CSNK2A2IP: variants seen among roughly 807,000 people sequenced by gnomAD.
The protein encoded by CSNK2A2IP is casein kinase II subunit alpha'-interacting protein.
chr3:88,343,326 A>G, the CSNK2A2IP span: 66,575 of 151,914 alleles, frequency 0.44, 15,843 homozygotes, highest in South Asian at 0.62. Flanking sequence ...ATAATAATTA[A>G]ACACTATGTC....
chr3:88,400,349 G>A, the CSNK2A2IP span, among the ~76,000 whole-genome samples: 1 of 152,112 alleles, frequency 6.6e-6, no homozygotes, highest in African/African-American at 2.4e-5. Flanking sequence ...ATAATCTAAT[G>A]CTGCGGGAAA....
chr3:88,465,447 T>C, the CSNK2A2IP span: 1 of 1,231,638 alleles, frequency 8.1e-7, no homozygotes, highest in Non-Finnish European at 1.0e-6. Context: ...CACATCAACA[T>C]ACAGGTGAAA....
At chr3:88,415,752 G>T in the CSNK2A2IP span, among the ~76,000 whole-genome samples, 3 of 151,930 alleles carry the variant, frequency 2.0e-5, no homozygotes, top group African/African-American at 7.3e-5. Context: ...GAACCACAGT[G>T]GTGCACAGAG....
At chr3:88,446,025 G>C in the CSNK2A2IP span, among the ~76,000 whole-genome samples, 7 of 29,342 alleles carry the variant, frequency 2.4e-4, no homozygotes, top group East Asian at 1.4e-3. Flanking sequence ...TTCTTTCTTT[G>C]TTTCTTTTCT....
chr3:88,365,070 T>A, the CSNK2A2IP span, among the ~76,000 whole-genome samples: 1 of 152,128 alleles, frequency 6.6e-6, no homozygotes, highest in Non-Finnish European at 1.5e-5. Flanking sequence ...AAGTGTCTGA[T>A]CCAGGATGTG....
At chr3:88,370,328 T>G in the CSNK2A2IP span, among the ~76,000 whole-genome samples, 1 of 151,898 alleles carries the variant, frequency 6.6e-6, no homozygotes, top group Non-Finnish European at 1.5e-5. Context: ...TTGAGATAAT[T>G]ATCCTTGAAT....
the CSNK2A2IP span, among the ~76,000 whole-genome samples, chr3:88,427,166 G>T: frequency 1.1e-4 from 17 of 151,970 alleles, no homozygotes; most frequent in Non-Finnish European, 2.9e-5. Flanking sequence ...CTCAGATGGA[G>T]ATGAAGAACT....
the CSNK2A2IP span, among the ~76,000 whole-genome samples, chr3:88,393,754 A>C: frequency 6.6e-6 from 1 of 152,234 alleles, no homozygotes; most frequent in Non-Finnish European, 1.5e-5. Flanking sequence ...GAGACGTAGA[A>C]TTTGAGATGT....
At chr3:88,429,863 C>G in the CSNK2A2IP span, among the ~76,000 whole-genome samples, 1 of 152,206 alleles carries the variant, frequency 6.6e-6, no homozygotes, top group Middle Eastern at 3.4e-3. Context: ...CGCCATTCTC[C>G]TGCCTCAGCC....
chr3:88,400,353 C>T, the CSNK2A2IP span, among the ~76,000 whole-genome samples: 18 of 152,062 alleles, frequency 1.2e-4, no homozygotes, highest in African/African-American at 2.7e-4. Flanking sequence ...TCTAATGCTG[C>T]GGGAAATTTT....
the CSNK2A2IP span, among the ~76,000 whole-genome samples, chr3:88,429,784 G>A: frequency 3.3e-5 from 5 of 152,172 alleles, no homozygotes; most frequent in East Asian, 7.8e-4. Flanking sequence ...ACGGAGTCTC[G>A]TTCTGTCGCC....
At chr3:88,416,619 T>C in the CSNK2A2IP span, among the ~76,000 whole-genome samples, 3 of 152,210 alleles carry the variant, frequency 2.0e-5, no homozygotes, top group Admixed American at 6.5e-5. Context: ...TGCTATACCA[T>C]ACCACGGAAT....
chr3:88,416,036 C>T, the CSNK2A2IP span, among the ~76,000 whole-genome samples: 7 of 151,664 alleles, frequency 4.6e-5, no homozygotes, highest in South Asian at 2.1e-4. Flanking sequence ...TTTGGGAGGC[C>T]GAGGCAGGAG....
the CSNK2A2IP span, among the ~76,000 whole-genome samples, chr3:88,451,023 G>C: frequency 6.6e-6 from 1 of 151,868 alleles, no homozygotes; most frequent in Non-Finnish European, 1.5e-5. Flanking sequence ...TCAATCTTTT[G>C]ACTTTTTGAT....
the CSNK2A2IP span, among the ~76,000 whole-genome samples, chr3:88,357,979 T>A: frequency 6.6e-6 from 1 of 152,090 alleles, no homozygotes; most frequent in South Asian, 2.1e-4. Context: ...TGCCCACCTC[T>A]GCCTCTCAAA....
the CSNK2A2IP span, among the ~76,000 whole-genome samples, chr3:88,403,926 G>A: frequency 6.6e-5 from 10 of 152,056 alleles, no homozygotes; most frequent in African/African-American, 2.4e-4. Flanking sequence ...TATGACACAA[G>A]GGCTGAGACA....
chr3:88,416,734 A>G, the CSNK2A2IP span, among the ~76,000 whole-genome samples: 1 of 152,188 alleles, frequency 6.6e-6, no homozygotes, highest in Non-Finnish European at 1.5e-5. Context: ...ATCCTACCCC[A>G]TTAATTTACT....
chr3:88,418,858 G>A, the CSNK2A2IP span, among the ~76,000 whole-genome samples: 3 of 152,140 alleles, frequency 2.0e-5, no homozygotes, highest in Admixed American at 2.0e-4. Flanking sequence ...AGCAGGAGGT[G>A]AGCCACAGGC....
chr3:88,348,672 T>A, the CSNK2A2IP span, among the ~76,000 whole-genome samples: 62,490 of 151,838 alleles, frequency 0.41, 14,786 homozygotes, highest in South Asian at 0.6. Context: ...TATTCTTTTG[T>A]GTAAACACTC....
Sources: allele counts gnomAD v4.1 joint callset (sites outside exome capture counted in the v4.1 genomes callset), GRCh38; gene constraint gnomAD v4.1.1; transcripts MANE v1.5; gene names NCBI Gene and HGNC (gene_info 2026-07-23, HGNC 2026-07-21).